Variants in RBFOX3 observed in about 807,000 individuals in gnomAD.
The protein encoded by RBFOX3 is RNA binding protein fox-1 homolog 3.
A neutral mutation model predicts 48.7 loss-of-function variants in RBFOX3; 17 were observed. That is an observed-to-expected ratio of 0.35 (90% CI 0.24 to 0.52). The LOEUF (loss-of-function observed/expected upper bound fraction) is 0.52. Ranked by LOEUF, RBFOX3 falls within the 20% of genes least tolerant of loss-of-function variation. RBFOX3 has a pLI of 0.94. For synonymous variants in RBFOX3, 212 were observed against 209.5 expected, an observed-to-expected ratio of 1.01 and a Z score of -0.10; for missense variants, 382 against 497.5, an observed-to-expected ratio of 0.77 and a Z score of 2.21.
intron 2 of RBFOX3, among the ~76,000 whole-genome samples, chr17:79,332,750 G>C (rs2080561174): frequency 7.0e-6 from 1 of 143,672 alleles, no homozygotes; most frequent in African/African-American, 2.5e-5. Flanking sequence ...CAGAGACACA[G>C]AGAGAGACAG....
chr17:79,097,507 C>A lies in RBFOX3; in HGVS notation c.623-83G>T, dbSNP rs1354781006. ...CCCCTCCCCGTACACCTAGCCCCCC[C>A]GCGCACCTAGCCCCCAACCCCTCCC... On this transcript the variant is annotated intron_variant, in intron 10 of 14. Transcript: ENST00000693108. 4.2e-6 allele frequency: 6 copies of A among 1,434,774 alleles called. No homozygotes were observed. In the African/African-American group the frequency reaches 8.8e-5, roughly 21 times the overall value. 88.9% of individuals were successfully genotyped at this position (1,434,774 alleles called of 1,614,324 possible).
intron 4 of RBFOX3, among the ~76,000 whole-genome samples, chr17:79,161,970 C>A (rs2703540): frequency 0.58 from 88,807 of 152,050 alleles, 29,523 homozygotes; most frequent in Non-Finnish European, 0.74. Flanking sequence ...GAGGCCCCAG[C>A]GGGACTTTTG....
intron 2 of RBFOX3, among the ~76,000 whole-genome samples, chr17:79,313,519 T>C (rs1296933906): frequency 6.6e-6 from 1 of 152,076 alleles, no homozygotes; most frequent in African/African-American, 2.4e-5. Flanking sequence ...AGGGCTCTGG[T>C]CAGTGTAGGG....
intron 4 of RBFOX3, among the ~76,000 whole-genome samples, chr17:79,147,019 AAC>A (rs916192656): frequency 7.9e-5 from 12 of 151,966 alleles, no homozygotes; most frequent in African/African-American, 2.7e-4. Context: ...TCTTACAGGG[AAC>A]AGGGGACAAA....
At chr17:79,576,154 C>T (rs1424326462) in intron 1 of RBFOX3, among the ~76,000 whole-genome samples, 1 of 152,246 alleles carries the variant, frequency 6.6e-6, no homozygotes, top group Non-Finnish European at 1.5e-5. Context: ...AGCAGAAACT[C>T]AGGCTTCCTA....
chr17:79,567,177 TTTC>T lies in RBFOX3; in HGVS notation c.-320+43646_-320+43648del, dbSNP rs1310796191. Among the ~76,000 whole-genome samples, 392 of 129,384 alleles carry T rather than the reference TTTC, an allele frequency of 3.0e-3. 2 individuals carry two copies. Among genetic ancestry groups the T allele is most frequent in the East Asian group, 5.8e-3 (25 of 4,342 alleles). The allele number at this position is 129,384 out of a possible 152,430, so 84.9% of individuals were successfully genotyped here. A position where few individuals can be genotyped will look rare whatever the true frequency, so the allele number is the denominator to read the frequency against. On this transcript the variant is annotated intron_variant, in intron 1 of 14. Coordinates refer to ENST00000693108, the MANE Select transcript of RBFOX3 (RefSeq NM_001350451.2). ...ATGTGCTATTTTTTTTCTTTCTTTC[TTTC>T]TTTTTTTTTTTTTTTTTTTTTGAGA...
At chr17:79,559,177 T>C (rs1042179333) in intron 1 of RBFOX3, among the ~76,000 whole-genome samples, 2 of 152,152 alleles carry the variant, frequency 1.3e-5, no homozygotes, top group African/African-American at 2.4e-5. Context: ...TGTCTGTCTT[T>C]TTTTCCCATG....
intron 2 of RBFOX3, among the ~76,000 whole-genome samples, chr17:79,318,000 A>G (rs1598233198): frequency 6.6e-6 from 1 of 151,604 alleles, no homozygotes; most frequent in Non-Finnish European, 1.5e-5. Flanking sequence ...AAATGTCTTT[A>G]CCCCCTTTAA....
chr17:79,640,618 G>A, the RBFOX3 span, among the ~76,000 whole-genome samples: 6 of 152,110 alleles, frequency 3.9e-5, no homozygotes, highest in East Asian at 1.9e-4. Flanking sequence ...TAGACCAATC[G>A]AACAAAATAG....
chr17:79,340,214 G>T (rs906923372), intron 2 of RBFOX3, among the ~76,000 whole-genome samples: 1 of 151,618 alleles, frequency 6.6e-6, no homozygotes, highest in Non-Finnish European at 1.5e-5. Flanking sequence ...CAGGAGGATT[G>T]CTTGAACCCG....
rs115017805 is a variant in RBFOX3, at chr17:79,309,820, G to A, written c.-174-1996C>T. On this transcript the variant is annotated intron_variant, in intron 2 of 14. Transcript: ENST00000693108. ...AGTTCCCCCCTCACTCTCATCTCCC[G>A]CCACCATGTAAGACGCACCTCACTT... is the stretch of plus-strand genomic sequence containing the variant. 5.6e-3 allele frequency among the ~76,000 whole-genome samples: 846 copies of A among 152,180 alleles called. 8 individuals are homozygous for A. Among genetic ancestry groups the A allele is most frequent in the African/African-American group, 0.019 (786 of 41,502 alleles).
intron 2 of RBFOX3, among the ~76,000 whole-genome samples, chr17:79,355,250 C>T (rs2084749530): frequency 6.6e-6 from 1 of 152,224 alleles, no homozygotes; most frequent in African/African-American, 2.4e-5. Flanking sequence ...GGCATCAAGG[C>T]TTTGGCTCTG....
At chr17:79,338,984 G>GCTGAATT (rs1293302456) in intron 2 of RBFOX3, among the ~76,000 whole-genome samples, 2 of 152,144 alleles carry the variant, frequency 1.3e-5, no homozygotes, top group Non-Finnish European at 2.9e-5. Context: ...ATTTAGGGCT[G>GCTGAATT]CTGAATTCTG....
At chr17:79,618,718 A>G in the RBFOX3 span, among the ~76,000 whole-genome samples, 7 of 152,292 alleles carry the variant, frequency 4.6e-5, no homozygotes, top group East Asian at 1.3e-3. Context: ...GCGCTGGAAA[A>G]ATCAATCTGA....
chr17:79,313,479 C>A (rs559669342), intron 2 of RBFOX3, among the ~76,000 whole-genome samples: 1 of 152,172 alleles, frequency 6.6e-6, no homozygotes, highest in East Asian at 1.9e-4. Context: ...TCACCCCAGA[C>A]CCCCCTGCAG....
the RBFOX3 span, among the ~76,000 whole-genome samples, chr17:79,619,956 C>G: frequency 6.6e-6 from 1 of 152,234 alleles, no homozygotes; most frequent in Non-Finnish European, 1.5e-5. Flanking sequence ...CTTCCCGCAC[C>G]CTGGAGCCCA....
intron 2 of RBFOX3, among the ~76,000 whole-genome samples, chr17:79,396,570 C>T (rs575692818): frequency 2.0e-5 from 3 of 152,316 alleles, no homozygotes; most frequent in African/African-American, 7.2e-5. Context: ...CTCCCCAGCC[C>T]TATGCCCACC....
intron 2 of RBFOX3, among the ~76,000 whole-genome samples, chr17:79,408,780 G>A (rs1282918484): frequency 6.6e-6 from 1 of 152,156 alleles, no homozygotes; most frequent in Non-Finnish European, 1.5e-5. Flanking sequence ...CACCATCATT[G>A]TTCTTGCATT....
Position 79,290,196 on chromosome 17 carries a change from G to T in RBFOX3, c.-74+17528C>A, listed in dbSNP as rs185093435. On this transcript the variant is annotated intron_variant, in intron 3 of 14. Transcript: ENST00000693108. The stretch of plus-strand genomic sequence containing the variant: ...CTGGAAGGGGAACCTTCTCAAGCTG[G>T]AGGAGGCATCATAGAGCCTTGTGAA... Among the ~76,000 whole-genome samples, 23 of 152,196 alleles carry T rather than the reference G, an allele frequency of 1.5e-4. No individual in the cohort carries two copies. In the East Asian group the frequency reaches 3.5e-3, roughly 23 times the overall value.
Sources: allele counts gnomAD v4.1 joint callset (sites outside exome capture counted in the v4.1 genomes callset), GRCh38; gene constraint gnomAD v4.1.1; transcripts MANE v1.5; gene names NCBI Gene and HGNC (gene_info 2026-07-23, HGNC 2026-07-21).